The following SGCZ variants were observed in gnomAD, a reference collection of about 807,000 sequenced individuals.
The protein encoded by SGCZ is zeta-sarcoglycan.
Under a neutral mutation model 41.3 loss-of-function variants are expected in SGCZ, and 40 were observed. The ratio of observed to expected loss-of-function variants is 0.97; its 90% CI spans 0.75 to 1.26. SGCZ has a LOEUF of 1.26. Ranked by LOEUF, SGCZ falls within the 50% of genes most tolerant of loss-of-function variation. The pLI is 0.00. For missense variants in SGCZ, 552 were observed against 369.8 expected (o/e 1.49, Z -4.04); for synonymous variants, 206 against 137.5 (o/e 1.50, Z -3.49).
Position 14,899,856 on chromosome 8 carries a change from G to A in SGCZ, c.39+337729C>T, listed in dbSNP as rs762462525. Reference sequence around the variant, plus strand: ...GTGAGAGAGGAAGGAAGAGGAGGAAGAAGAAGAAGAAGAGGAGGAGGAGAG... The same window carrying A: ...GTGAGAGAGGAAGGAAGAGGAGGAAAAAGAAGAAGAAGAGGAGGAGGAGAG... On this transcript the variant is annotated intron_variant, in intron 1 of 7. Transcript: ENST00000382080. Among the ~76,000 whole-genome samples, 16 of 151,382 alleles carry A rather than the reference G, an allele frequency of 1.1e-4. No individual in the cohort carries two copies. The South Asian group carries it at 1.5e-3, about 14-fold the overall frequency.
chr8:14,359,622 G>C (rs1451732771), intron 2 of SGCZ, among the ~76,000 whole-genome samples: 2 of 151,970 alleles, frequency 1.3e-5, no homozygotes, highest in African/African-American at 4.8e-5. Context: ...ATACACTCCT[G>C]AGATTAAGGC....
chr8:14,268,747 A>G (rs1799961444), intron 3 of SGCZ, among the ~76,000 whole-genome samples: 1 of 151,820 alleles, frequency 6.6e-6, no homozygotes, highest in South Asian at 2.1e-4. Context: ...TTATATGTAC[A>G]TTTGCATTCA....
intron 1 of SGCZ, among the ~76,000 whole-genome samples, chr8:14,875,352 A>G (rs746559973): frequency 6.6e-6 from 1 of 152,198 alleles, no homozygotes. Flanking sequence ...CAAAAGCCAC[A>G]TATCTTAACA....
intron 1 of SGCZ, among the ~76,000 whole-genome samples, chr8:14,986,903 T>C (rs184646469): frequency 2.4e-4 from 37 of 151,960 alleles, no homozygotes; most frequent in Non-Finnish European, 4.9e-4. Flanking sequence ...TCAGTAAGGA[T>C]TAAATATAAA....
intron 4 of SGCZ, among the ~76,000 whole-genome samples, chr8:14,192,742 A>T (rs1585218159): frequency 1.3e-5 from 2 of 152,030 alleles, no homozygotes; most frequent in East Asian, 3.8e-4. Flanking sequence ...TTAGACATAA[A>T]CTTCTGTAAC....
intron 1 of SGCZ, among the ~76,000 whole-genome samples, chr8:14,958,836 G>C (rs73519016): frequency 0.097 from 14,794 of 152,032 alleles, 957 homozygotes; most frequent in African/African-American, 0.17. Flanking sequence ...TATAAAGGTT[G>C]AATGACAGAG....
At chr8:14,540,729 T>C (rs1463353001) in intron 2 of SGCZ, among the ~76,000 whole-genome samples, 1 of 151,938 alleles carries the variant, frequency 6.6e-6, no homozygotes, top group African/African-American at 2.4e-5. Context: ...AGTAGTCATT[T>C]GTAAGGCGTT....
At chr8:14,766,582 G>T (rs920158966) in intron 1 of SGCZ, among the ~76,000 whole-genome samples, 4 of 151,354 alleles carry the variant, frequency 2.6e-5, no homozygotes, top group Non-Finnish European at 1.5e-5. Context: ...TTCTTCTTTA[G>T]ACAGTGTTTC....
intron 5 of SGCZ, among the ~76,000 whole-genome samples, chr8:14,120,953 C>A (rs749470516): frequency 2.0e-4 from 31 of 152,022 alleles, no homozygotes; most frequent in Non-Finnish European, 4.1e-4. Context: ...AGAAGAATAT[C>A]AGGAATAATA....
chr8:14,710,369 CAAAAAAAAAAA>C (rs770994264), intron 1 of SGCZ, among the ~76,000 whole-genome samples: 1 of 92,432 alleles, frequency 1.1e-5, no homozygotes, highest in African/African-American at 3.7e-5. Context: ...GACTCCGCAT[CAAAAAAAAAAA>C]AAAAAAAAAA....
intron 2 of SGCZ, among the ~76,000 whole-genome samples, chr8:14,461,056 G>A (rs983133428): frequency 1.3e-5 from 2 of 152,034 alleles, no homozygotes; most frequent in Non-Finnish European, 2.9e-5. Context: ...ACACCACCCT[G>A]AGAAAAGATA....
intron 2 of SGCZ, among the ~76,000 whole-genome samples, chr8:14,490,602 C>G (rs1185475948): frequency 6.6e-6 from 1 of 152,096 alleles, no homozygotes; most frequent in East Asian, 1.9e-4. Flanking sequence ...TATTAAAATT[C>G]ATAGAAATAA....
intron 1 of SGCZ, among the ~76,000 whole-genome samples, chr8:14,905,463 T>G (rs1415601081): frequency 6.6e-6 from 1 of 152,056 alleles, no homozygotes; most frequent in Non-Finnish European, 1.5e-5. Flanking sequence ...AGGACACTCA[T>G]TTACTGCTCA....
At chr8:14,812,998 C>T (rs1390264309) in intron 1 of SGCZ, among the ~76,000 whole-genome samples, 2 of 152,046 alleles carry the variant, frequency 1.3e-5, no homozygotes, top group Non-Finnish European at 2.9e-5. Flanking sequence ...TGTTATATCT[C>T]AGTAAATCTG....
intron 1 of SGCZ, among the ~76,000 whole-genome samples, chr8:15,030,901 T>A (rs969428890): frequency 6.6e-6 from 1 of 152,052 alleles, no homozygotes; most frequent in African/African-American, 2.4e-5. Context: ...GAAACACAGT[T>A]TAAGTAAAGG....
At position 14,699,387 on chromosome 8, in the gene SGCZ, G is replaced by T. The variant is rs778858549; in HGVS notation, c.40-144461C>A. Among the ~76,000 whole-genome samples the T allele has an allele frequency of 3.6e-4, 55 of 151,642 alleles. 1 individual carries two copies. The highest frequency in any genetic ancestry group is 3.2e-3 in the Middle Eastern group (1 of 316). ...GAGGAAAGGGCTCTATATTCAATAA[G>T]TGGTGCTAGGGATAACTGACTACCA... On this transcript the variant is annotated intron_variant, in intron 1 of 7. Coordinates refer to ENST00000382080, the MANE Select transcript of SGCZ (RefSeq NM_139167.4).
chr8:14,844,502 A>C (rs1385199062), intron 1 of SGCZ, among the ~76,000 whole-genome samples: 2 of 152,228 alleles, frequency 1.3e-5, no homozygotes, highest in South Asian at 2.1e-4. Flanking sequence ...ATTTGTTCCA[A>C]CTGTTTCACT....
intron 1 of SGCZ, among the ~76,000 whole-genome samples, chr8:14,699,422 G>A (rs1809066263): frequency 6.6e-6 from 1 of 151,612 alleles, no homozygotes; most frequent in Non-Finnish European, 1.5e-5. Context: ...ATATGCAGTA[G>A]ATTGAAACTG....
chr8:14,544,958 C>A lies in SGCZ; in HGVS notation c.234+9774G>T, dbSNP rs537079399. On this transcript the variant is annotated intron_variant, in intron 2 of 7. Transcript: ENST00000382080. ...GCATGTGATCTTTGTACCTACTCCC[C>A]GTTCTTACACCCTCTTCCCTTTTGA... Among the ~76,000 whole-genome samples, 22 of 152,146 alleles carry A rather than the reference C, an allele frequency of 1.4e-4. No homozygotes were observed. The East Asian group carries it at 4.1e-3, about 28-fold the overall frequency.
Sources: gnomAD v4.1 joint callset for allele counts (sites outside exome capture counted in the v4.1 genomes callset) on GRCh38, gnomAD v4.1.1 for gene constraint, MANE v1.5 for transcripts, NCBI Gene and HGNC (gene_info 2026-07-23, HGNC 2026-07-21) for gene names.